STAU2: variants seen among roughly 807,000 people sequenced by gnomAD.
The protein encoded by STAU2 is double-stranded RNA-binding protein Staufen homolog 2.
STAU2 carries 20 observed loss-of-function variants against 65.9 expected under a neutral mutation model. The observed-to-expected ratio is 0.30, with a 90% CI of 0.21 to 0.44. STAU2 has a LOEUF of 0.44. Among genes scored for constraint, STAU2 ranks in the 20% least tolerant of loss-of-function variants. The pLI is 1.00. For missense variants in STAU2, 558 were observed against 683.9 expected (o/e 0.82, Z 2.05); for synonymous variants, 232 against 233.9 (o/e 0.99, Z 0.07).
chr8:73,567,853 G>T (rs868609205), intron 12 of STAU2, among the ~76,000 whole-genome samples: 11 of 152,036 alleles, frequency 7.2e-5, no homozygotes, highest in Middle Eastern at 3.4e-3. Context: ...TACTCGCTGG[G>T]GGGGAGGGGG....
intron 5 of STAU2, among the ~76,000 whole-genome samples, chr8:73,677,260 T>C (rs1173910998): frequency 3.9e-5 from 6 of 152,210 alleles, no homozygotes; most frequent in Non-Finnish European, 8.8e-5. Flanking sequence ...ACAGCTCTCA[T>C]ACCGCTGGTG....
intron 13 of STAU2, among the ~76,000 whole-genome samples, chr8:73,471,847 A>G (rs1820049942): frequency 6.9e-6 from 1 of 145,344 alleles, no homozygotes; most frequent in South Asian, 2.1e-4. Flanking sequence ...AGAGAGAAGA[A>G]GGAGAAGGAG....
chr8:73,676,522 C>T (rs1818038190), intron 5 of STAU2, among the ~76,000 whole-genome samples: 1 of 152,160 alleles, frequency 6.6e-6, no homozygotes, highest in South Asian at 2.1e-4. Context: ...TTAAATGGCA[C>T]ACCAAAAAAG....
intron 13 of STAU2, among the ~76,000 whole-genome samples, chr8:73,443,976 A>G (rs1194397352): frequency 6.6e-5 from 10 of 152,210 alleles, no homozygotes; most frequent in Non-Finnish European, 8.8e-5. Context: ...CCTGGGCAGT[A>G]GACCCTGGTC....
intron 13 of STAU2, among the ~76,000 whole-genome samples, chr8:73,533,461 T>C (rs1805963593): frequency 2.0e-5 from 3 of 152,342 alleles, no homozygotes; most frequent in Admixed American, 6.5e-5. Context: ...CTAAGTTTCC[T>C]AGTTTGATAT....
chr8:73,435,433 G>A (rs78533306), intron 13 of STAU2, among the ~76,000 whole-genome samples: 12,879 of 151,886 alleles, frequency 0.085, 739 homozygotes, highest in Middle Eastern at 0.14. Context: ...ACAGGTGCTC[G>A]CAGACAGGGG....
chr8:73,621,227 TGG>T (rs1013658539), intron 6 of STAU2, among the ~76,000 whole-genome samples: 3 of 152,094 alleles, frequency 2.0e-5, no homozygotes, highest in Non-Finnish European at 4.4e-5. Flanking sequence ...GTTTCCCCCA[TGG>T]TATTCTCATG....
At chr8:73,586,646 C>CAAAAAAAAAAAAAAAAA (rs56687221) in intron 11 of STAU2, among the ~76,000 whole-genome samples, 2 of 62,724 alleles carry the variant, frequency 3.2e-5, no homozygotes, top group African/African-American at 4.7e-5. Flanking sequence ...AAAAAAAATG[C>CAAAAAAAAAAAAAAAAA]AAAAAAAAAA....
chr8:73,431,583 C>G (rs1728500491), intron 13 of STAU2, among the ~76,000 whole-genome samples: 1 of 152,128 alleles, frequency 6.6e-6, no homozygotes, highest in Non-Finnish European at 1.5e-5. Context: ...TATTTTTGTC[C>G]CCCAAAGATT....
intron 6 of STAU2, among the ~76,000 whole-genome samples, chr8:73,667,111 C>A (rs1586229513): frequency 6.6e-6 from 1 of 152,116 alleles, no homozygotes; most frequent in East Asian, 1.9e-4. Context: ...CTTAATACCC[C>A]AAATGCAATC....
intron 5 of STAU2, among the ~76,000 whole-genome samples, chr8:73,685,270 T>G (rs1318844777): frequency 6.6e-6 from 1 of 152,006 alleles, no homozygotes; most frequent in African/African-American, 2.4e-5. Flanking sequence ...TTTATAGCAG[T>G]GTGAGAACAG....
chr8:73,424,761 T>C (rs1282241815), intron 13 of STAU2, among the ~76,000 whole-genome samples: 1 of 151,762 alleles, frequency 6.6e-6, no homozygotes, highest in African/African-American at 2.4e-5. Flanking sequence ...ACAAATCCTA[T>C]ATCCAAGCAA....
intron 13 of STAU2, among the ~76,000 whole-genome samples, chr8:73,428,814 CAT>C (rs761078577): frequency 1.3e-4 from 20 of 152,094 alleles, no homozygotes; most frequent in Non-Finnish European, 2.6e-4. Flanking sequence ...AAGAGAACTG[CAT>C]ATATGAGACG....
At chr8:73,710,731 TAAAAA>T (rs1189873202) in intron 3 of STAU2, among the ~76,000 whole-genome samples, 1 of 151,926 alleles carries the variant, frequency 6.6e-6, no homozygotes, top group Admixed American at 6.6e-5. Context: ...TCACTTCCCA[TAAAAA>T]ATGCCAAAAT....
rs1421839160 is a variant in STAU2 at position 73,422,697 on chromosome 8, G to A, written c.1536C>T (p.Ala512=). The change falls in exon 14 of 15, where the codon GCC becomes GCT. Residue 512 remains alanine, a synonymous_variant. Transcript: ENST00000524300. ...YLARIQGFQA[A]LSALKQFSEQ... is the part of the protein sequence containing the mutation. ...CAGAAAATTGTTTCAAGGCACTTAAGGCTGCCTAAAAATGAAAACAAACAG... is the reference window on the plus strand; with the variant it reads ...CAGAAAATTGTTTCAAGGCACTTAAAGCTGCCTAAAAATGAAAACAAACAG... 6.8e-7 allele frequency: 1 copy of A among 1,479,042 alleles called. No individual in the cohort carries two copies. Among genetic ancestry groups the A allele is most frequent in the East Asian group, 2.6e-5 (1 of 38,022 alleles). 91.6% of individuals were successfully genotyped at this position (1,479,042 alleles called of 1,614,324 possible).
intron 12 of STAU2, among the ~76,000 whole-genome samples, chr8:73,574,924 A>T (rs891707229): frequency 2.0e-5 from 3 of 151,622 alleles, no homozygotes; most frequent in Non-Finnish European, 4.4e-5. Context: ...ATAAATAAAT[A>T]AAATAAAATA....
At chr8:73,627,236 A>AGGGG (rs1563467240) in intron 6 of STAU2, among the ~76,000 whole-genome samples, 1 of 10,266 alleles carries the variant, frequency 9.7e-5, no homozygotes, top group Non-Finnish European at 2.0e-4. Context: ...GGGGGGCAGG[A>AGGGG]GGGCGGGTTC....
intron 5 of STAU2, among the ~76,000 whole-genome samples, chr8:73,686,704 G>C (rs1253155207): frequency 6.6e-6 from 1 of 150,576 alleles, no homozygotes; most frequent in African/African-American, 2.4e-5. Flanking sequence ...CAATGTAACC[G>C]AATACCACCT....
intron 11 of STAU2, among the ~76,000 whole-genome samples, chr8:73,587,650 T>C (rs1218248687): frequency 6.6e-6 from 1 of 152,242 alleles, no homozygotes; most frequent in Non-Finnish European, 1.5e-5. Context: ...AACCCTCATT[T>C]TCCATAGCAG....
Sources: allele counts gnomAD v4.1 joint callset (sites outside exome capture counted in the v4.1 genomes callset), GRCh38; gene constraint gnomAD v4.1.1; transcripts MANE v1.5; gene names NCBI Gene and HGNC (gene_info 2026-07-23, HGNC 2026-07-21).